C9orf72: variants seen among roughly 807,000 people sequenced by gnomAD.
The protein encoded by C9orf72 is C9orf72-SMCR8 complex subunit.
In C9orf72, 44 loss-of-function variants were observed where a neutral mutation model predicts 51.6. That is an observed-to-expected ratio of 0.85 (90% CI 0.67 to 1.10). C9orf72 has a LOEUF of 1.10. Ranked by LOEUF, C9orf72 falls within the 50% of genes least tolerant of loss-of-function variation. C9orf72 has a pLI of 0.00. For missense variants in C9orf72, 607 were observed against 570.6 expected, an observed-to-expected ratio of 1.06 and a Z score of -0.65; for synonymous variants, 213 against 194.2, an observed-to-expected ratio of 1.10 and a Z score of -0.81.
At chr9:27,565,627 C>G in intron 2 of C9orf72, 37 bp from the exon 3 acceptor site, 1 of 1,312,636 alleles carries the variant, frequency 7.6e-7, no homozygotes, top group Non-Finnish European at 1.1e-6. Flanking sequence ...AAACAACCCA[C>G]AACATTTTGA....
Position 27,554,403 on chromosome 9 carries a change from C to T in C9orf72, c.1091+2158G>A, listed in dbSNP as rs1198998078. Among the ~76,000 whole-genome samples the T allele has an allele frequency of 2.6e-5, 4 of 152,052 alleles. No homozygotes were observed. In the East Asian group the frequency reaches 7.7e-4, roughly 29 times the overall value. On this transcript the variant is annotated intron_variant, in intron 8 of 10. Coordinates refer to ENST00000380003, the MANE Select transcript of C9orf72 (RefSeq NM_018325.5). ...AATCCAGGAACAGAAAACCAACTAC[C>T]GCATGTTCTCACTTCTAAGTGGGAG...
rs912273597 is a variant in C9orf72, at chr9:27,573,453, C to T, written c.-67G>A. The T allele has an allele frequency of 6.7e-6, 1 of 149,218 alleles. No individual in the cohort carries two copies. Among genetic ancestry groups the T allele is most frequent in the African/African-American group, 2.5e-5 (1 of 40,496 alleles). The allele number at this position is 149,218 out of a possible 1,614,324, so 9.2% of individuals were successfully genotyped here. A position where few individuals can be genotyped will look rare whatever the true frequency, so the allele number is the denominator to read the frequency against. On this transcript the variant is annotated 5_prime_UTR_variant, in exon 1 of 11. Coordinates refer to ENST00000380003, the MANE Select transcript of C9orf72 (RefSeq NM_018325.5). ...CACCCACTCGCCACCGCCTGCGCCT[C>T]CGCCGCCGCGGGCGCAGGCACCGCA...
chr9:27,552,353 AT>A (rs2131530620), intron 8 of C9orf72, among the ~76,000 whole-genome samples: 1 of 65,222 alleles, frequency 1.5e-5, no homozygotes, highest in East Asian at 1.0e-3. Context: ...ATTGTTTGTG[AT>A]TTTTCTTTTT....
At chr9:27,551,108 CA>C (rs1218097458) in intron 8 of C9orf72, among the ~76,000 whole-genome samples, 1 of 151,722 alleles carries the variant, frequency 6.6e-6, no homozygotes, top group African/African-American at 2.4e-5. Context: ...AACAAACCAG[CA>C]ACAAAAATAA....
chr9:27,566,381 G>A lies in C9orf72; in HGVS notation c.444+296C>T, dbSNP rs561026843. On this transcript the variant is annotated intron_variant, in intron 2 of 10. Transcript: ENST00000380003. ...ATTGTGCAATGAAAGGGAAACAAAA[G>A]GTATTAGAGTCAAAGGCTCCCAAGA... 2.6e-5 allele frequency among the ~76,000 whole-genome samples: 4 copies of A among 152,202 alleles called. No homozygotes were observed. The East Asian group carries it at 7.7e-4, about 29-fold the overall frequency.
chr9:27,560,517 A>G (rs1037449994), intron 5 of C9orf72: 5 of 698,294 alleles, frequency 7.2e-6, no homozygotes, highest in Non-Finnish European at 1.0e-5. Flanking sequence ...AAACAGCCCA[A>G]TTAGTCAGTA....
intron 6 of C9orf72, 45 bp downstream of exon 6, chr9:27,560,182 A>T (rs773991269): frequency 1.6e-6 from 2 of 1,216,082 alleles, no homozygotes; most frequent in Non-Finnish European, 1.2e-6. Flanking sequence ...ATATATCATC[A>T]GTCTTAAAGA....
intron 1 of C9orf72, among the ~76,000 whole-genome samples, 153 bp from the exon 2 acceptor site, chr9:27,567,317 A>C (rs1819492540): frequency 6.6e-6 from 1 of 152,224 alleles, no homozygotes; most frequent in Non-Finnish European, 1.5e-5. Context: ...TTCAACTAGC[A>C]CAGTAGGTGC....
At chr9:27,551,690 G>C (rs900495006) in intron 8 of C9orf72, among the ~76,000 whole-genome samples, 7 of 152,242 alleles carry the variant, frequency 4.6e-5, no homozygotes, top group Admixed American at 4.6e-4. Flanking sequence ...ACTGGGCACT[G>C]ATAGTGCCCC....
At chr9:27,568,988 G>C (rs1211067772) in intron 1 of C9orf72, among the ~76,000 whole-genome samples, 1 of 152,080 alleles carries the variant, frequency 6.6e-6, no homozygotes, top group Non-Finnish European at 1.5e-5. Flanking sequence ...GTGGAAGGCA[G>C]TGAGGTGGAA....
At position 27,568,836 on chromosome 9, in the gene C9orf72, C is replaced by CT. The variant is rs879307887; in HGVS notation, c.-44-1673dup. Reference sequence around the variant, plus strand: ...GTTATTTTAGAGTGCACTCCTTCTACTTTTTTTTTTTTTAAGTTAAATGTA... The same window carrying CT: ...GTTATTTTAGAGTGCACTCCTTCTACTTTTTTTTTTTTTTAAGTTAAATGTA... On this transcript the variant is annotated intron_variant, in intron 1 of 10. Coordinates refer to ENST00000380003, the MANE Select transcript of C9orf72 (RefSeq NM_018325.5). Among the ~76,000 whole-genome samples the CT allele has an allele frequency of 2.4e-3, 349 of 145,498 alleles. 2 individuals are homozygous for CT. The highest frequency in any genetic ancestry group is 6.7e-3 in the African/African-American group (269 of 39,942).
intron 1 of C9orf72, among the ~76,000 whole-genome samples, chr9:27,570,076 T>G (rs535158823): frequency 6.6e-6 from 1 of 152,220 alleles, no homozygotes; most frequent in Non-Finnish European, 1.5e-5. Flanking sequence ...ACACGTGTAT[T>G]TGTAATTTCA....
rs1389290231 is a variant in C9orf72, at chr9:27,547,175, A to G, written c.*1061T>C. On this transcript the variant is annotated 3_prime_UTR_variant, in exon 11 of 11. Coordinates refer to ENST00000380003, the MANE Select transcript of C9orf72 (RefSeq NM_018325.5). ...TAAAATTTCTCCTGCTATTCCTTATAGCCTATTGCAGGCAAACAGCAACAA... is the reference window on the plus strand; with the variant it reads ...TAAAATTTCTCCTGCTATTCCTTATGGCCTATTGCAGGCAAACAGCAACAA... 1.3e-5 allele frequency: 2 copies of G among 152,644 alleles called. No individual in the cohort carries two copies. Among genetic ancestry groups the G allele is most frequent in the Non-Finnish European group, 2.9e-5 (2 of 68,034 alleles). The allele number at this position is 152,644 out of a possible 1,614,324, so 9.5% of individuals were successfully genotyped here.
chr9:27,566,578 G>T, intron 2 of C9orf72, 99 bp downstream of exon 2: 1 of 777,870 alleles, frequency 1.3e-6, no homozygotes, highest in Non-Finnish European at 2.0e-6. Context: ...ATTGTTTGAT[G>T]TTCACTGCAT....
In C9orf72 at chr9:27,565,592, T is replaced by C. The variant is rs761943671; in HGVS notation, c.445-2A>G. The C allele has an allele frequency of 1.3e-6, 2 of 1,590,516 alleles. No individual in the cohort carries two copies. The highest frequency in any genetic ancestry group is 1.7e-6 in the Non-Finnish European group (2 of 1,163,452). On this transcript the variant is annotated splice_acceptor_variant, in intron 2 of 10. Coordinates refer to ENST00000380003, the MANE Select transcript of C9orf72 (RefSeq NM_018325.5). LOFTEE classifies it high-confidence loss of function. ...CTTCTGGACATTTTCTTGTCTTTCC[T>C]GAGCAAGAGAAAATTTATTTAAAAA... is the stretch of plus-strand genomic sequence containing the variant.
At chr9:27,560,807 T>C (rs1044297977) in intron 5 of C9orf72, 1 of 948,654 alleles carries the variant, frequency 1.1e-6, no homozygotes, top group South Asian at 4.8e-5. Context: ...ACTTCTCTTT[T>C]ATTAAAAGTA....
At chr9:27,548,786 T>G (rs1470456322) in intron 9 of C9orf72, 120 bp from the exon 10 acceptor site, 11 of 604,844 alleles carry the variant, frequency 1.8e-5, no homozygotes, top group Non-Finnish European at 2.1e-5. Context: ...CCTTAACCAT[T>G]TCCACTGATG....
chr9:27,558,558 G>A lies in C9orf72; in HGVS notation c.788C>T (p.Ser263Phe). The A allele has an allele frequency of 6.2e-7, 1 of 1,608,808 alleles. No individual in the cohort carries two copies. Among genetic ancestry groups the A allele is most frequent in the Non-Finnish European group, 8.5e-7 (1 of 1,177,854 alleles). ...LFLTPAERKC[S>F]RLCEAESSFK... ...TGATGATTCTGCTTCACATAACCTG[G>A]AGCATTTTCTCTCTGCTGGAGTCAG... The change falls in exon 7 of 11, where the codon TCC becomes TTC. Residue 263 changes from serine to phenylalanine, a missense_variant. Transcript: ENST00000380003.
In C9orf72 at chr9:27,548,204, T is replaced by C. The variant is rs759595881; in HGVS notation, c.*32A>G. 1.3e-6 allele frequency: 2 copies of C among 1,532,970 alleles called. No homozygotes were observed. The highest frequency in any genetic ancestry group is 1.8e-6 in the Non-Finnish European group (2 of 1,121,062). The allele number at this position is 1,532,970 out of a possible 1,614,324, so 95.0% of individuals were successfully genotyped here. ...TGAGCTACTTTACCAGCGATCATGA[T>C]TGTGATGGAATAGGCTTATTAAGTT... On this transcript the variant is annotated 3_prime_UTR_variant, in exon 11 of 11. Coordinates refer to ENST00000380003, the MANE Select transcript of C9orf72 (RefSeq NM_018325.5).
Sources: allele counts gnomAD v4.1 joint callset (sites outside exome capture counted in the v4.1 genomes callset), GRCh38; gene constraint gnomAD v4.1.1; transcripts MANE v1.5; gene names NCBI Gene and HGNC (gene_info 2026-07-23, HGNC 2026-07-21).